FRMD3: variants seen among roughly 807,000 people sequenced by gnomAD.
The protein encoded by FRMD3 is FERM domain-containing protein 3.
Under a neutral mutation model 70.2 loss-of-function variants are expected in FRMD3, and 33 were observed. That is an observed-to-expected ratio of 0.47 (90% CI 0.36 to 0.63). The LOEUF (loss-of-function observed/expected upper bound fraction) is 0.63, where lower values mean the gene tolerates loss of function less well. FRMD3 is among the 20% of genes least tolerant of loss of function. The pLI, the probability that FRMD3 is intolerant of heterozygous loss-of-function variation, is 0.00. For missense variants in FRMD3, 632 were observed against 711.4 expected, an observed-to-expected ratio of 0.89 and a Z score of 1.27; for synonymous variants, 279 against 255.9, an observed-to-expected ratio of 1.09 and a Z score of -0.86.
intron 1 of FRMD3, among the ~76,000 whole-genome samples, chr9:83,505,626 T>C (rs1431511657): frequency 6.6e-6 from 1 of 152,128 alleles, no homozygotes; most frequent in African/African-American, 2.4e-5. Context: ...ACAACAACTG[T>C]GTTTCCAAAA....
chr9:83,257,427 T>C (rs1219243150), intron 13 of FRMD3, among the ~76,000 whole-genome samples: 1 of 152,086 alleles, frequency 6.6e-6, no homozygotes, highest in Admixed American at 6.6e-5. Flanking sequence ...CCCTAGGTGA[T>C]GGGATGACCT....
At chr9:83,345,299 T>G (rs1823918873) in intron 4 of FRMD3, among the ~76,000 whole-genome samples, 1 of 152,160 alleles carries the variant, frequency 6.6e-6, no homozygotes, top group African/African-American at 2.4e-5. Flanking sequence ...TTGCTATGCA[T>G]TCTGTCAAAG....
At chr9:83,379,753 C>T (rs1825299243) in intron 2 of FRMD3, among the ~76,000 whole-genome samples, 1 of 152,112 alleles carries the variant, frequency 6.6e-6, no homozygotes, top group African/African-American at 2.4e-5. Context: ...CTTCCTACCC[C>T]ACCTCACCCT....
chr9:83,414,960 C>G (rs978273974), intron 1 of FRMD3, among the ~76,000 whole-genome samples: 1 of 152,218 alleles, frequency 6.6e-6, no homozygotes, highest in Non-Finnish European at 1.5e-5. Context: ...TGGAGGGGAA[C>G]CACCAGAGGT....
At chr9:83,450,554 A>G (rs908533597) in intron 1 of FRMD3, among the ~76,000 whole-genome samples, 1 of 152,074 alleles carries the variant, frequency 6.6e-6, no homozygotes, top group Non-Finnish European at 1.5e-5. Flanking sequence ...AAAGGCAGTG[A>G]AAGGCAAAAT....
At chr9:83,427,844 A>C (rs530117617) in intron 1 of FRMD3, among the ~76,000 whole-genome samples, 1 of 152,334 alleles carries the variant, frequency 6.6e-6, no homozygotes, top group Admixed American at 6.5e-5. Flanking sequence ...ACAATAATTA[A>C]AAAACATTTC....
At chr9:83,252,115 C>T (rs1249224022) in intron 13 of FRMD3, among the ~76,000 whole-genome samples, 1 of 152,120 alleles carries the variant, frequency 6.6e-6, no homozygotes, top group African/African-American at 2.4e-5. Context: ...ATGTTAAGGG[C>T]AACCAGAGAG....
intron 1 of FRMD3, among the ~76,000 whole-genome samples, chr9:83,425,826 G>A (rs923443215): frequency 7.1e-6 from 1 of 140,192 alleles, no homozygotes; most frequent in East Asian, 2.3e-4. Context: ...AGAATTGCCT[G>A]AACCCAGGAG....
At chr9:83,336,437 G>A (rs1286994274) in intron 5 of FRMD3, among the ~76,000 whole-genome samples, 1 of 151,312 alleles carries the variant, frequency 6.6e-6, no homozygotes, top group Non-Finnish European at 1.5e-5. Context: ...ATTCCTCGGG[G>A]TTCCATTCAC....
At chr9:83,273,201 G>A (rs1208531568) in intron 13 of FRMD3, among the ~76,000 whole-genome samples, 22 of 152,370 alleles carry the variant, frequency 1.4e-4, no homozygotes, top group African/African-American at 4.6e-4. Flanking sequence ...AGGGGGAAAT[G>A]TGGGGAAAAG....
chr9:83,402,687 C>T (rs191519331), intron 1 of FRMD3, among the ~76,000 whole-genome samples: 4 of 152,088 alleles, frequency 2.6e-5, no homozygotes, highest in Non-Finnish European at 5.9e-5. Flanking sequence ...GTATCAGCCT[C>T]AGCAGGGCTC....
intron 8 of FRMD3, among the ~76,000 whole-genome samples, chr9:83,311,493 A>T (rs1392769340): frequency 6.6e-6 from 1 of 152,174 alleles, no homozygotes; most frequent in African/African-American, 2.4e-5. Context: ...GTGAGTTTGC[A>T]CCCAGGACTC....
At position 83,295,582 on chromosome 9, in the gene FRMD3, T is replaced by C. The variant is rs1834625631; in HGVS notation, c.1070+3166A>G. 2.6e-5 allele frequency among the ~76,000 whole-genome samples: 4 copies of C among 152,242 alleles called. No individual in the cohort carries two copies. In the South Asian group the frequency reaches 8.3e-4, roughly 31 times the overall value. ...GGGCAAAGTGATGTTGTAAATCTCA[T>C]GTTATAGATGAGTACGCTGATGATC... is the stretch of plus-strand genomic sequence containing the variant. On this transcript the variant is annotated intron_variant, in intron 12 of 13. Transcript: ENST00000304195.
intron 1 of FRMD3, among the ~76,000 whole-genome samples, chr9:83,432,319 G>C (rs1827005716): frequency 6.6e-6 from 1 of 152,202 alleles, no homozygotes; most frequent in Admixed American, 6.5e-5. Context: ...AGCCAAGTCT[G>C]CCAGGTCACT....
Position 83,447,598 on chromosome 9 carries a change from C to T in FRMD3, c.148-57890G>A, listed in dbSNP as rs118129510. Among the ~76,000 whole-genome samples, 775 of 152,290 alleles carry T rather than the reference C, an allele frequency of 5.1e-3. 6 individuals carry two copies. The highest frequency in any genetic ancestry group is 0.01 in the East Asian group (53 of 5,176). Reference sequence around the variant, plus strand: ...CCTGCAGTCAGAATTGGCAGCGACCCGGCCACCGATGACAGCCTGAAGCAC... The same window carrying T: ...CCTGCAGTCAGAATTGGCAGCGACCTGGCCACCGATGACAGCCTGAAGCAC... On this transcript the variant is annotated intron_variant, in intron 1 of 13. Coordinates refer to ENST00000304195, the MANE Select transcript of FRMD3 (RefSeq NM_174938.6).
chr9:83,503,072 G>A (rs919379354), intron 1 of FRMD3, among the ~76,000 whole-genome samples: 1 of 152,106 alleles, frequency 6.6e-6, no homozygotes, highest in African/African-American at 2.4e-5. Flanking sequence ...AAGACTATTG[G>A]GAAGGGCAGA....
chr9:83,500,502 GCACACACACACACA>G (rs3084172), intron 1 of FRMD3, among the ~76,000 whole-genome samples: 5 of 143,714 alleles, frequency 3.5e-5, no homozygotes, highest in East Asian at 2.3e-4. Flanking sequence ...GTGTATGCGC[GCACACACACACACA>G]CACACACACA....
At chr9:83,533,085 T>C (rs1178116574) in intron 1 of FRMD3, among the ~76,000 whole-genome samples, 1 of 152,058 alleles carries the variant, frequency 6.6e-6, no homozygotes, top group Non-Finnish European at 1.5e-5. Context: ...CCACTTTAAC[T>C]TGTCTACTCT....
chr9:83,276,946 G>C (rs973759844), intron 13 of FRMD3, among the ~76,000 whole-genome samples: 1 of 152,168 alleles, frequency 6.6e-6, no homozygotes, highest in Non-Finnish European at 1.5e-5. Context: ...CTGACTTCAG[G>C]TGATCCACCC....
Sources: allele counts gnomAD v4.1 joint callset (sites outside exome capture counted in the v4.1 genomes callset), GRCh38; gene constraint gnomAD v4.1.1; transcripts MANE v1.5; gene names NCBI Gene and HGNC (gene_info 2026-07-23, HGNC 2026-07-21).